Variants in AFG2A observed in about 807,000 individuals in gnomAD.
The protein encoded by AFG2A is AAA ATPase AFG2A.
chr4:123,132,043 A>C, the AFG2A span, among the ~76,000 whole-genome samples: 34 of 152,224 alleles, frequency 2.2e-4, no homozygotes, highest in Middle Eastern at 6.8e-3. Context: ...TGTGATCTGT[A>C]CTTCCCTAAT....
chr4:123,046,440 T>C, the AFG2A span, among the ~76,000 whole-genome samples: 10 of 152,350 alleles, frequency 6.6e-5, no homozygotes, highest in South Asian at 1.9e-3. Context: ...ATTGCAATTA[T>C]ACATTTTTTA....
chr4:123,112,268 T>C, the AFG2A span, among the ~76,000 whole-genome samples: 1 of 152,150 alleles, frequency 6.6e-6, no homozygotes, highest in Admixed American at 6.5e-5. Context: ...AAAGAAGTTA[T>C]AGTGTCCTCA....
chr4:122,948,387 TACACAC>T, the AFG2A span, among the ~76,000 whole-genome samples: 4,903 of 129,578 alleles, frequency 0.038, 108 homozygotes, highest in South Asian at 0.075. Context: ...CTCCAGAGTA[TACACAC>T]ACACACACAC....
the AFG2A span, among the ~76,000 whole-genome samples, chr4:123,070,432 A>G: frequency 0.045 from 6,796 of 152,160 alleles, 297 homozygotes; most frequent in South Asian, 0.15. Context: ...TGGCTTAGAA[A>G]CAAAAGTTTG....
At chr4:123,169,050 G>A in the AFG2A span, among the ~76,000 whole-genome samples, 5 of 152,162 alleles carry the variant, frequency 3.3e-5, no homozygotes, top group African/African-American at 9.7e-5. Context: ...AGAAACTGTC[G>A]TGTCAGCTTA....
the AFG2A span, among the ~76,000 whole-genome samples, chr4:123,112,702 CA>C: frequency 6.6e-6 from 1 of 151,998 alleles, no homozygotes; most frequent in African/African-American, 2.4e-5. Context: ...TTAGCATTGA[CA>C]TTTTTTTTTT....
At chr4:122,944,386 T>A in the AFG2A span, among the ~76,000 whole-genome samples, 1 of 152,194 alleles carries the variant, frequency 6.6e-6, no homozygotes, top group East Asian at 1.9e-4. Flanking sequence ...TTCATTCATG[T>A]CATCTTCCAT....
chr4:122,933,466 A>G, the AFG2A span: 1 of 1,612,444 alleles, frequency 6.2e-7, no homozygotes. Context: ...TTAATGAAGA[A>G]GAACTGACTG....
At chr4:123,004,845 G>A in the AFG2A span, among the ~76,000 whole-genome samples, 1 of 152,042 alleles carries the variant, frequency 6.6e-6, no homozygotes, top group Non-Finnish European at 1.5e-5. Context: ...TCTGGGTCTG[G>A]AATTTTCATT....
chr4:123,056,559 A>AT, the AFG2A span: 2,989 of 621,790 alleles, frequency 4.8e-3, 10 homozygotes, highest in East Asian at 0.022. Context: ...TCTTAGTGGT[A>AT]TTTTTTTTTC....
At chr4:123,256,277 AC>A in the AFG2A span, 1 of 1,380,444 alleles carries the variant, frequency 7.2e-7, no homozygotes, top group Non-Finnish European at 9.9e-7. Context: ...GTTTTAAATG[AC>A]CATACTAAGA....
At chr4:122,989,054 G>A in the AFG2A span, among the ~76,000 whole-genome samples, 2 of 151,700 alleles carry the variant, frequency 1.3e-5, no homozygotes, top group African/African-American at 2.4e-5. Context: ...GAATTCTCTT[G>A]TAGCTAAGAT....
At chr4:123,216,664 C>CTTTT in the AFG2A span, among the ~76,000 whole-genome samples, 3,560 of 142,938 alleles carry the variant, frequency 0.025, 165 homozygotes, top group African/African-American at 0.086. Flanking sequence ...ATTATTTTTA[C>CTTTT]TTTTTTTTTT....
the AFG2A span, among the ~76,000 whole-genome samples, chr4:123,206,446 T>G: frequency 6.6e-6 from 1 of 152,160 alleles, no homozygotes; most frequent in Non-Finnish European, 1.5e-5. Flanking sequence ...GGAAAACACC[T>G]GATTAGTGCT....
At chr4:123,080,295 C>G in the AFG2A span, among the ~76,000 whole-genome samples, 1 of 152,372 alleles carries the variant, frequency 6.6e-6, no homozygotes, top group East Asian at 1.9e-4. Context: ...CTCACTCTCT[C>G]TCTGCCATCT....
At chr4:122,947,618 T>C in the AFG2A span, 1 of 1,207,310 alleles carries the variant, frequency 8.3e-7, no homozygotes, top group Non-Finnish European at 1.1e-6. Context: ...ATGTGTAATT[T>C]TTATTTGAAA....
the AFG2A span, among the ~76,000 whole-genome samples, chr4:123,097,335 A>G: frequency 4.2e-4 from 62 of 147,218 alleles, no homozygotes; most frequent in African/African-American, 1.5e-3. Context: ...CTCTTCTAAT[A>G]TTACTCTTCT....
chr4:122,964,501 C>CA, the AFG2A span, among the ~76,000 whole-genome samples: 165 of 126,050 alleles, frequency 1.3e-3, no homozygotes, highest in African/African-American at 4.3e-3. Flanking sequence ...AAGACTGTCT[C>CA]AAAAAAAAAA....
At chr4:123,247,616 TG>T in the AFG2A span, among the ~76,000 whole-genome samples, 1 of 102,018 alleles carries the variant, frequency 9.8e-6, no homozygotes, top group Non-Finnish European at 2.5e-5. Context: ...TTTGTAGAGA[TG>T]GGGTTGCGCC....
Sources: gnomAD v4.1 joint callset for allele counts (sites outside exome capture counted in the v4.1 genomes callset) on GRCh38, gnomAD v4.1.1 for gene constraint, MANE v1.5 for transcripts, NCBI Gene and HGNC (gene_info 2026-07-23, HGNC 2026-07-21) for gene names.